Variants in TBC1D5 observed in about 807,000 individuals in gnomAD.
TBC1D5 encodes the protein TBC1 domain family, member 5.
Under a neutral mutation model 100.3 loss-of-function variants are expected in TBC1D5, and 75 were observed. That is an observed-to-expected ratio of 0.75 (90% CI 0.62 to 0.91). TBC1D5 has a LOEUF of 0.91. TBC1D5 is among the 40% of genes least tolerant of loss of function. The probability of loss-of-function intolerance (pLI) is 0.00; values close to 1 mark genes in which losing one functional copy is unlikely to be tolerated. For synonymous variants in TBC1D5, 323 were observed against 325.6 expected (o/e 0.99, Z 0.09); for missense variants, 910 against 942.4 (o/e 0.97, Z 0.45).
chr3:17,462,964 T>C (rs2095241998), intron 3 of TBC1D5, among the ~76,000 whole-genome samples: 1 of 152,164 alleles, frequency 6.6e-6, no homozygotes, highest in South Asian at 2.1e-4. Context: ...TGTGTGGTCA[T>C]GAAATAGTCC....
chr3:17,654,372 C>A (rs1341865570), intron 1 of TBC1D5, among the ~76,000 whole-genome samples: 2 of 152,026 alleles, frequency 1.3e-5, no homozygotes, highest in Non-Finnish European at 2.9e-5. Context: ...CAGTTTGTGT[C>A]TGGACATAAA....
At chr3:17,378,597 TACAA>T (rs969584462) in intron 9 of TBC1D5, among the ~76,000 whole-genome samples, 1 of 151,904 alleles carries the variant, frequency 6.6e-6, no homozygotes, top group African/African-American at 2.4e-5. Flanking sequence ...TAATTTTTGT[TACAA>T]ACATTTTACC....
At chr3:17,231,645 A>AT (rs201601312) in intron 17 of TBC1D5, among the ~76,000 whole-genome samples, 1,768 of 151,760 alleles carry the variant, frequency 0.012, 13 homozygotes, top group Middle Eastern at 0.024. Context: ...CATAGATAGA[A>AT]TTTTTTTTTC....
intron 2 of TBC1D5, among the ~76,000 whole-genome samples, chr3:17,594,743 T>C (rs141949558): frequency 2.6e-5 from 4 of 152,318 alleles, no homozygotes; most frequent in East Asian, 1.9e-4. Flanking sequence ...CAAAGGATAG[T>C]TGTATTATGT....
chr3:17,552,865 A>C (rs1260659159), intron 2 of TBC1D5, among the ~76,000 whole-genome samples: 1 of 152,178 alleles, frequency 6.6e-6, no homozygotes, highest in African/African-American at 2.4e-5. Flanking sequence ...GCCCAAAGGC[A>C]GAACTGAGCT....
intron 1 of TBC1D5, among the ~76,000 whole-genome samples, chr3:17,708,067 C>G (rs933271517): frequency 9.9e-5 from 15 of 152,168 alleles, no homozygotes; most frequent in African/African-American, 3.4e-4. Context: ...GCCCACTGTT[C>G]ACCACCCCCA....
intron 4 of TBC1D5, among the ~76,000 whole-genome samples, chr3:17,426,060 T>A (rs2094328384): frequency 6.6e-6 from 1 of 152,090 alleles, no homozygotes; most frequent in African/African-American, 2.4e-5. Context: ...GTTGTCGAAT[T>A]GTGAGAAAAG....
intron 3 of TBC1D5, among the ~76,000 whole-genome samples, chr3:17,503,553 A>C (rs1315688001): frequency 6.7e-6 from 1 of 149,602 alleles, no homozygotes; most frequent in East Asian, 1.9e-4. Context: ...ATGACAAAAA[A>C]TGAACTTTAA....
At chr3:17,430,157 C>G (rs1385476791) in intron 3 of TBC1D5, among the ~76,000 whole-genome samples, 1 of 151,636 alleles carries the variant, frequency 6.6e-6, no homozygotes, top group African/African-American at 2.4e-5. Flanking sequence ...TAGTCTCTGT[C>G]TTGCTAAATG....
intron 2 of TBC1D5, among the ~76,000 whole-genome samples, chr3:17,614,882 T>C (rs1330490421): frequency 6.6e-6 from 1 of 152,208 alleles, no homozygotes; most frequent in African/African-American, 2.4e-5. Flanking sequence ...TATTTCTTTC[T>C]CTTGCCTGAT....
intron 2 of TBC1D5, among the ~76,000 whole-genome samples, chr3:17,617,492 T>C (rs767703353): frequency 1.3e-5 from 2 of 152,348 alleles, no homozygotes; most frequent in East Asian, 3.9e-4. Context: ...AAGACTGTTT[T>C]CCAACTTGGG....
intron 15 of TBC1D5, among the ~76,000 whole-genome samples, chr3:17,285,433 TG>T (rs1476591105): frequency 6.6e-6 from 1 of 151,372 alleles, no homozygotes; most frequent in Non-Finnish European, 1.5e-5. Flanking sequence ...GCTAATTTTT[TG>T]TATTTTTAGT....
At chr3:17,483,271 TA>T (rs2095521629) in intron 3 of TBC1D5, among the ~76,000 whole-genome samples, 1 of 152,114 alleles carries the variant, frequency 6.6e-6, no homozygotes, top group African/African-American at 2.4e-5. Flanking sequence ...GGAATGCCAT[TA>T]AAAACCATTC....
chr3:17,451,946 G>A (rs184360832), intron 3 of TBC1D5, among the ~76,000 whole-genome samples: 5 of 151,920 alleles, frequency 3.3e-5, no homozygotes, highest in African/African-American at 1.2e-4. Context: ...TTACAAGAAG[G>A]TTATAGAACA....
In TBC1D5 at chr3:17,392,007, C is replaced by G. The variant is rs900983807; in HGVS notation, c.510-7992G>C. 1.6e-4 allele frequency among the ~76,000 whole-genome samples: 24 copies of G among 152,044 alleles called. 1 individual carries two copies. The highest frequency in any genetic ancestry group is 5.6e-4 in the African/African-American group (23 of 41,434). On this transcript the variant is annotated intron_variant, in intron 8 of 21. Transcript: ENST00000253692. ...TTGGTTTGAAAATAAAGCTTTTTCT[C>G]ATTCCCAGCTTCTCAAGTCAGCAAA...
chr3:17,537,274 G>A (rs1036973915), intron 2 of TBC1D5, among the ~76,000 whole-genome samples: 1 of 152,188 alleles, frequency 6.6e-6, no homozygotes, highest in African/African-American at 2.4e-5. Context: ...CTGTTTGTAG[G>A]ATGTGGCTTA....
exon 16 of TBC1D5, chr3:17,258,584 G>T (rs1003276919): frequency 6.2e-7 from 1 of 1,610,198 alleles, no homozygotes; most frequent in Non-Finnish European, 8.5e-7. Context: ...CACTGGTCTT[G>T]GATTTCTCTA....
At chr3:17,291,940 A>T in exon 15 of TBC1D5, 1 of 1,613,994 alleles carries the variant, frequency 6.2e-7, no homozygotes, top group South Asian at 1.1e-5. Flanking sequence ...GTGAGTGTAC[A>T]TCCCCGATGA....
At chr3:17,222,827 G>C (rs2074432011) in intron 17 of TBC1D5, among the ~76,000 whole-genome samples, 2 of 151,176 alleles carry the variant, frequency 1.3e-5, no homozygotes, top group South Asian at 2.1e-4. Flanking sequence ...CTCTACTTAT[G>C]ATCTCTAGAC....
Sources: gnomAD v4.1 joint callset for allele counts (sites outside exome capture counted in the v4.1 genomes callset) on GRCh38, gnomAD v4.1.1 for gene constraint, MANE v1.5 for transcripts, NCBI Gene and HGNC (gene_info 2026-07-23, HGNC 2026-07-21) for gene names.